PLA2G4A: variants seen among roughly 807,000 people sequenced by gnomAD.
The protein encoded by PLA2G4A is phospholipase A2 group IVA.
In PLA2G4A, 40 loss-of-function variants were observed where a neutral mutation model predicts 81.9. The ratio of observed to expected loss-of-function variants is 0.49; its 90% CI spans 0.38 to 0.64. The LOEUF is 0.64. Among genes scored for constraint, PLA2G4A ranks in the 30% least tolerant of loss-of-function variants. PLA2G4A has a pLI of 0.00. For missense variants in PLA2G4A, 715 were observed against 905.1 expected, an observed-to-expected ratio of 0.79 and a Z score of 2.69; for synonymous variants, 302 against 296.9, an observed-to-expected ratio of 1.02 and a Z score of -0.18.
intron 7 of PLA2G4A, among the ~76,000 whole-genome samples, chr1:186,918,255 G>T (rs964284406): frequency 6.6e-6 from 1 of 152,150 alleles, no homozygotes; most frequent in African/African-American, 2.4e-5. Context: ...AGGCTCGCTG[G>T]TGTCCCCTGC....
At chr1:186,934,060 C>T (rs1025402463) in intron 8 of PLA2G4A, among the ~76,000 whole-genome samples, 1 of 152,046 alleles carries the variant, frequency 6.6e-6, no homozygotes, top group African/African-American at 2.4e-5. Context: ...GGGTGTAGCC[C>T]ATCATTATTC....
intron 14 of PLA2G4A, among the ~76,000 whole-genome samples, chr1:186,958,167 T>A (rs1429325706): frequency 6.6e-6 from 1 of 152,194 alleles, no homozygotes. Flanking sequence ...TTGTGTTATG[T>A]TTATGGCATC....
intron 1 of PLA2G4A, among the ~76,000 whole-genome samples, chr1:186,845,782 C>T (rs1001148939): frequency 2.6e-5 from 4 of 152,260 alleles, no homozygotes; most frequent in South Asian, 2.1e-4. Context: ...CATGACTAAA[C>T]GTTTTGGAAA....
chr1:186,957,998 C>A (rs1656813955), intron 14 of PLA2G4A, among the ~76,000 whole-genome samples: 11 of 152,176 alleles, frequency 7.2e-5, no homozygotes, highest in Non-Finnish European at 1.5e-5. Flanking sequence ...GTTTAAGCAT[C>A]ATACCTAGAA....
intron 5 of PLA2G4A, among the ~76,000 whole-genome samples, chr1:186,901,423 T>A (rs1288179652): frequency 6.6e-6 from 1 of 152,206 alleles, no homozygotes; most frequent in African/African-American, 2.4e-5. Flanking sequence ...CGTGACTAGC[T>A]TATTTACCAT....
Position 186,956,298 on chromosome 1 carries a change from C to T in PLA2G4A, c.1533C>T (p.Ala511=). ...SYPLSPLSDF[A]TQDSFDDDEL... The stretch of plus-strand genomic sequence containing the variant: ...CACTGTCTCCTTTGAGTGACTTTGC[C>T]ACACAGGACTCCTTTGATGATGATG... The change falls in exon 14 of 18, where the codon GCC becomes GCT. Residue 511 remains alanine, a synonymous_variant. Transcript: ENST00000367466. 6.2e-7 allele frequency: 1 copy of T among 1,613,768 alleles called. No individual in the cohort carries two copies. Among genetic ancestry groups the T allele is most frequent in the Non-Finnish European group, 8.5e-7 (1 of 1,179,712 alleles).
At chr1:186,834,289 G>A (rs1276588625) in intron 1 of PLA2G4A, among the ~76,000 whole-genome samples, 1 of 151,696 alleles carries the variant, frequency 6.6e-6, no homozygotes, top group Non-Finnish European at 1.5e-5. Flanking sequence ...TATGAACTTT[G>A]TTTATTTCCA....
intron 5 of PLA2G4A, among the ~76,000 whole-genome samples, chr1:186,906,251 A>G (rs750247032): frequency 7.2e-5 from 11 of 152,224 alleles, no homozygotes; most frequent in Non-Finnish European, 1.3e-4. Context: ...TGTACAACAG[A>G]TTTACAGTCT....
At chr1:186,901,230 GCTCA>G (rs1364220974) in intron 5 of PLA2G4A, among the ~76,000 whole-genome samples, 2 of 152,196 alleles carry the variant, frequency 1.3e-5, no homozygotes. Context: ...TTCAAATGTG[GCTCA>G]AGTAATTCCT....
At chr1:186,861,913 A>C (rs2102042552) in intron 2 of PLA2G4A, among the ~76,000 whole-genome samples, 1 of 151,536 alleles carries the variant, frequency 6.6e-6, no homozygotes, top group South Asian at 2.1e-4. Flanking sequence ...GAGTAAGAAA[A>C]CCTCATTTTA....
In PLA2G4A at chr1:186,914,127, T is replaced by C. The variant is rs555249951; in HGVS notation, c.558+2738T>C. On this transcript the variant is annotated intron_variant, in intron 7 of 17. Coordinates refer to ENST00000367466, the MANE Select transcript of PLA2G4A (RefSeq NM_024420.3). ...TTTTTTGAGACAGGGTTTTGCTTTGTTGCCCAGGCAGGAGTGCAGTAGCAC... is the reference window on the plus strand; with the variant it reads ...TTTTTTGAGACAGGGTTTTGCTTTGCTGCCCAGGCAGGAGTGCAGTAGCAC... Among the ~76,000 whole-genome samples the C allele has an allele frequency of 1.6e-3, 248 of 152,286 alleles. 2 individuals are homozygous for C. Among genetic ancestry groups the C allele is most frequent in the African/African-American group, 5.4e-3 (224 of 41,550 alleles).
intron 1 of PLA2G4A, among the ~76,000 whole-genome samples, chr1:186,843,793 T>C (rs958165918): frequency 6.6e-6 from 1 of 152,224 alleles, no homozygotes; most frequent in Admixed American, 6.5e-5. Context: ...TTCCTCTTAC[T>C]ATAGATCTAA....
chr1:186,844,793 A>T (rs1363188993), intron 1 of PLA2G4A, among the ~76,000 whole-genome samples: 1 of 152,256 alleles, frequency 6.6e-6, no homozygotes, highest in Non-Finnish European at 1.5e-5. Flanking sequence ...TAATAAAAAA[A>T]ATTTATTGTT....
At chr1:186,945,527 G>T (rs572528239) in intron 10 of PLA2G4A, among the ~76,000 whole-genome samples, 1 of 152,108 alleles carries the variant, frequency 6.6e-6, no homozygotes, top group Non-Finnish European at 1.5e-5. Context: ...CCAGGAGAGA[G>T]AATACAGCAA....
intron 2 of PLA2G4A, among the ~76,000 whole-genome samples, chr1:186,867,804 A>G (rs1203482490): frequency 6.6e-6 from 1 of 152,136 alleles, no homozygotes; most frequent in African/African-American, 2.4e-5. Context: ...CCATTTTGTC[A>G]TCATTAAATA....
Position 186,988,164 on chromosome 1 carries a change from G to T in PLA2G4A, c.2119-213G>T, listed in dbSNP as rs1460826157. Among the ~76,000 whole-genome samples the T allele has an allele frequency of 1.3e-5, 2 of 152,204 alleles. 1 individual carries two copies. The highest frequency in any genetic ancestry group is 4.1e-4 in the South Asian group (2 of 4,828). On this transcript the variant is annotated intron_variant, in intron 17 of 17. Transcript: ENST00000367466. ...CATTTCCAGAATCCTTCTTTCCCTGGTGAGGGAAGGAACAGTAGCTGAATA... is the reference window on the plus strand; with the variant it reads ...CATTTCCAGAATCCTTCTTTCCCTGTTGAGGGAAGGAACAGTAGCTGAATA...
intron 3 of PLA2G4A, among the ~76,000 whole-genome samples, chr1:186,880,526 A>G (rs537692183): frequency 2.6e-4 from 39 of 152,078 alleles, no homozygotes; most frequent in African/African-American, 9.2e-4. Context: ...GGGTATTTCT[A>G]TTGGCATCTA....
chr1:186,932,067 C>A (rs1174194993), intron 7 of PLA2G4A, among the ~76,000 whole-genome samples: 1 of 152,154 alleles, frequency 6.6e-6, no homozygotes, highest in Non-Finnish European at 1.5e-5. Flanking sequence ...ATATAACTTT[C>A]ATTTGCAAAA....
At chr1:186,986,802 C>T (rs1159664553) in intron 17 of PLA2G4A, among the ~76,000 whole-genome samples, 1 of 152,128 alleles carries the variant, frequency 6.6e-6, no homozygotes, top group African/African-American at 2.4e-5. Context: ...CACTAATTGC[C>T]CTCCATCTCA....
Sources: gnomAD v4.1 joint callset for allele counts (sites outside exome capture counted in the v4.1 genomes callset) on GRCh38, gnomAD v4.1.1 for gene constraint, MANE v1.5 for transcripts, NCBI Gene and HGNC (gene_info 2026-07-23, HGNC 2026-07-21) for gene names.